The following MGAT5B variants were observed in gnomAD, a reference collection of about 807,000 sequenced individuals.
MGAT5B encodes the protein alpha-1,6-mannosylglycoprotein 6-beta-N-acetylglucosaminyltransferase B.
MGAT5B carries 54 observed loss-of-function variants against 95.1 expected under a neutral mutation model. That is an observed-to-expected ratio of 0.57 (90% CI 0.46 to 0.71). The LOEUF (loss-of-function observed/expected upper bound fraction) is 0.71, where lower values mean the gene tolerates loss of function less well. MGAT5B is among the 30% of genes least tolerant of loss of function. MGAT5B has a pLI of 0.00. For missense variants in MGAT5B, 935 were observed against 1,088.6 expected (o/e 0.86, Z 1.99); for synonymous variants, 464 against 451.0 (o/e 1.03, Z -0.36).
In MGAT5B at chr17:76,889,077, T is replaced by C. The variant is rs918418323; in HGVS notation, c.329+6779T>C. Among the ~76,000 whole-genome samples the C allele has an allele frequency of 5.9e-5, 9 of 152,208 alleles. No homozygotes were observed. Among genetic ancestry groups the C allele is most frequent in the African/African-American group, 2.2e-4 (9 of 41,452 alleles). Reference sequence around the variant, plus strand: ...GTGAGAAACGATGGTTTTGGTAGAATGCCTGGGGCTTAGTATATGTGCAGA... The same window carrying C: ...GTGAGAAACGATGGTTTTGGTAGAACGCCTGGGGCTTAGTATATGTGCAGA... On this transcript the variant is annotated intron_variant, in intron 3 of 17. Transcript: ENST00000569840. This position sits in a 1 kb window ranked among gnomAD's most constrained non-coding sequence, Gnocchi z 4.4.
At chr17:76,922,030 G>A (rs1003056860) in intron 8 of MGAT5B, among the ~76,000 whole-genome samples, 3 of 152,188 alleles carry the variant, frequency 2.0e-5, no homozygotes, top group African/African-American at 7.2e-5. Flanking sequence ...GAACCGCAGC[G>A]TGGTGGTCTC....
At chr17:76,931,505 G>A (rs1402060085) in intron 10 of MGAT5B, among the ~76,000 whole-genome samples, 1 of 152,242 alleles carries the variant, frequency 6.6e-6, no homozygotes, top group East Asian at 1.9e-4. Flanking sequence ...CTGGGGTCAG[G>A]AGAGACCTCT....
rs769318715 is a variant in MGAT5B at position 76,905,869 on chromosome 17, T to C, written c.856-149T>C. ...GTTCGCCCGTGTCCCCAGTGCCCGA[T>C]CTGGTCACTCTGGTGCCGGAAAGCA... On this transcript the variant is annotated intron_variant, in intron 7 of 17. Transcript: ENST00000569840. This position sits in a 1 kb window ranked among gnomAD's most constrained non-coding sequence, Gnocchi z 4.2. 28 of 759,690 alleles carry C rather than the reference T, an allele frequency of 3.7e-5. No individual in the cohort carries two copies. Among genetic ancestry groups the C allele is most frequent in the Non-Finnish European group, 5.1e-5 (25 of 488,532 alleles). The allele number at this position is 759,690 out of a possible 1,614,324, so 47.1% of individuals were successfully genotyped here. A position where few individuals can be genotyped will look rare whatever the true frequency, so the allele number is the denominator to read the frequency against.
At position 76,869,053 on chromosome 17, in the gene MGAT5B, G is replaced by A; in HGVS notation, c.24G>A (p.Gly8=). The A allele has an allele frequency of 6.2e-7, 1 of 1,614,122 alleles. No individual in the cohort carries two copies. The highest frequency in any genetic ancestry group is 8.5e-7 in the Non-Finnish European group (1 of 1,179,970). The change falls in exon 1 of 18, where the codon GGG becomes GGA. Residue 8 remains glycine (G), a synonymous_variant. Coordinates refer to ENST00000569840, the MANE Select transcript of MGAT5B (RefSeq NM_001199172.2). This position sits in a 1 kb window ranked among gnomAD's most constrained non-coding sequence, Gnocchi z 7.0. MITVNPD[G]KIMVRRCLVT... is the part of the protein sequence containing the mutation. ...CAATGATCACCGTCAACCCCGATGGGAAGATAATGGTCAGAAGATGCCTGG... is the reference window on the plus strand; with the variant it reads ...CAATGATCACCGTCAACCCCGATGGAAAGATAATGGTCAGAAGATGCCTGG...
At chr17:76,883,468 C>T (rs889275869) in intron 3 of MGAT5B, among the ~76,000 whole-genome samples, 3 of 152,176 alleles carry the variant, frequency 2.0e-5, no homozygotes, top group Non-Finnish European at 4.4e-5. Context: ...TGCTATCCTA[C>T]AAGCCCCAGG....
At position 76,870,641 on chromosome 17, in the gene MGAT5B, A is replaced by AT. The variant is rs1966978748; in HGVS notation, c.68+1546dup. 6.6e-6 allele frequency among the ~76,000 whole-genome samples: 1 copy of AT among 151,640 alleles called. No individual in the cohort carries two copies. ...TTTCAGGCCCTTATCTGAAGGCAGG[A>AT]TTGGGGGTGGAGGTGCATGGGTCCC... On this transcript the variant is annotated intron_variant, in intron 1 of 17. Transcript: ENST00000569840. This position sits in a 1 kb window ranked among gnomAD's most constrained non-coding sequence, Gnocchi z 5.0.
chr17:76,897,592 C>G (rs1002379369), intron 3 of MGAT5B, among the ~76,000 whole-genome samples: 1 of 152,132 alleles, frequency 6.6e-6, no homozygotes, highest in Non-Finnish European at 1.5e-5. Flanking sequence ...GACTTAGGGT[C>G]AGCCTGATCC....
chr17:76,906,299 A>T lies in MGAT5B; in HGVS notation c.1025+112A>T. ...AGCACCTGCTCTGCCTGCAGGTCCC[A>T]CGGCCCTGAGACCCTGGGAGACATC... On this transcript the variant is annotated intron_variant, in intron 8 of 17. Transcript: ENST00000569840. The surrounding 1 kb of genome is among the most constrained non-coding windows in gnomAD (Gnocchi z 4.6). 9.4e-7 allele frequency: 1 copy of T among 1,059,640 alleles called. No individual in the cohort carries two copies. The highest frequency in any genetic ancestry group is 1.3e-6 in the Non-Finnish European group (1 of 755,216). The allele number at this position is 1,059,640 out of a possible 1,614,324, so 65.6% of individuals were successfully genotyped here.
At chr17:76,893,629 C>G (rs1967961171) in intron 3 of MGAT5B, among the ~76,000 whole-genome samples, 1 of 152,226 alleles carries the variant, frequency 6.6e-6, no homozygotes, top group African/African-American at 2.4e-5. Context: ...TGTCCCCTGT[C>G]CCCCGTGCCG....
rs887145686 is a variant in MGAT5B, at chr17:76,915,849, A to G, written c.1026-9117A>G. On this transcript the variant is annotated intron_variant, in intron 8 of 17. Coordinates refer to ENST00000569840, the MANE Select transcript of MGAT5B (RefSeq NM_001199172.2). The surrounding 1 kb of genome is among the most constrained non-coding windows in gnomAD (Gnocchi z 8.7). ...AGGAGGCATTTTAACCTCCTGGCTG[A>G]GCGGGGAGCGAGCGCAGGAGCACAC... 2.0e-5 allele frequency among the ~76,000 whole-genome samples: 3 copies of G among 152,158 alleles called. No individual in the cohort carries two copies. The highest frequency in any genetic ancestry group is 1.9e-4 in the East Asian group (1 of 5,174).
At chr17:76,931,594 G>A (rs932628962) in intron 10 of MGAT5B, among the ~76,000 whole-genome samples, 34 of 152,188 alleles carry the variant, frequency 2.2e-4, no homozygotes, top group African/African-American at 8.0e-4. Flanking sequence ...GGTCAAAGGT[G>A]CGGTGGGAGA....
Position 76,926,690 on chromosome 17 carries a change from C to T in MGAT5B, c.1251C>T (p.Gly417=). 1 of 1,612,740 alleles carries T rather than the reference C, an allele frequency of 6.2e-7. No homozygotes were observed. Among genetic ancestry groups the T allele is most frequent in the Non-Finnish European group, 8.5e-7 (1 of 1,179,934 alleles). ...ATLHGYRTNW[G]YWNLNPKQFM... is the part of the protein sequence containing the mutation. ...TGCACGGCTACCGGACCAACTGGGGCTACTGGAACCTCAACCCCAAGCAGT... is the reference window on the plus strand; with the variant it reads ...TGCACGGCTACCGGACCAACTGGGGTTACTGGAACCTCAACCCCAAGCAGT... The change falls in exon 10 of 18, where the codon GGC becomes GGT. Residue 417 remains glycine, a synonymous_variant. Coordinates refer to ENST00000569840, the MANE Select transcript of MGAT5B (RefSeq NM_001199172.2).
Position 76,940,587 on chromosome 17 carries a change from C to G in MGAT5B, c.1731+39C>G, listed in dbSNP as rs200817000. On this transcript the variant is annotated intron_variant, in intron 14 of 17. Transcript: ENST00000569840. The surrounding 1 kb of genome is among the most constrained non-coding windows in gnomAD (Gnocchi z 4.3). The stretch of plus-strand genomic sequence containing the variant: ...ATCCTGGTCCCCGATCAGGAGGGGC[C>G]GGGACAGAGACCCCTGCAGGTCCTG... The G allele has an allele frequency of 6.3e-7, 1 of 1,590,896 alleles. No individual in the cohort carries two copies. Among genetic ancestry groups the G allele is most frequent in the African/African-American group, 1.3e-5 (1 of 74,506 alleles).
At chr17:76,876,751 T>C (rs1330539216) in intron 2 of MGAT5B, among the ~76,000 whole-genome samples, 3 of 152,246 alleles carry the variant, frequency 2.0e-5, no homozygotes, top group Non-Finnish European at 4.4e-5. Context: ...CATTCTGTAT[T>C]CTGCACACTC....
Position 76,942,761 on chromosome 17 carries a change from G to A in MGAT5B, c.1848+1913G>A, listed in dbSNP as rs558416695. Among the ~76,000 whole-genome samples, 14 of 152,240 alleles carry A rather than the reference G, an allele frequency of 9.2e-5. No individual in the cohort carries two copies. In the South Asian group the frequency reaches 1.0e-3, roughly 11 times the overall value. Reference sequence around the variant, plus strand: ...CCCAGCCCCCTGCACGGGGAAGCTGGCAACAAGGCGTACAGGTAGGCAAGG... The same window carrying A: ...CCCAGCCCCCTGCACGGGGAAGCTGACAACAAGGCGTACAGGTAGGCAAGG... On this transcript the variant is annotated intron_variant, in intron 15 of 17. Coordinates refer to ENST00000569840, the MANE Select transcript of MGAT5B (RefSeq NM_001199172.2).
intron 8 of MGAT5B, among the ~76,000 whole-genome samples, chr17:76,909,434 T>C (rs1201101092): frequency 6.6e-6 from 1 of 152,222 alleles, no homozygotes; most frequent in Non-Finnish European, 1.5e-5. Context: ...CTTTTCTTCA[T>C]TAACTTCTAC....
chr17:76,937,555 G>A (rs911719782), intron 12 of MGAT5B, among the ~76,000 whole-genome samples: 2 of 151,976 alleles, frequency 1.3e-5, no homozygotes, highest in Non-Finnish European at 1.5e-5. Flanking sequence ...GATGGATGGT[G>A]GGTGCATGGA....
chr17:76,923,128 T>C (rs1008322077), intron 8 of MGAT5B, among the ~76,000 whole-genome samples: 2 of 152,122 alleles, frequency 1.3e-5, no homozygotes, highest in African/African-American at 4.8e-5. Flanking sequence ...AACGGGATGG[T>C]GCGCACAGTC....
chr17:76,897,556 C>T (rs904816544), intron 3 of MGAT5B, among the ~76,000 whole-genome samples: 1 of 152,072 alleles, frequency 6.6e-6, no homozygotes, highest in Non-Finnish European at 1.5e-5. Flanking sequence ...CTGCATGTGG[C>T]CTTCTTAGAA....
Sources: allele counts gnomAD v4.1 joint callset (sites outside exome capture counted in the v4.1 genomes callset), GRCh38; gene constraint gnomAD v4.1.1; non-coding constraint Gnocchi (gnomAD v3.1); transcripts MANE v1.5; gene names NCBI Gene and HGNC (gene_info 2026-07-23, HGNC 2026-07-21).